The following AUTS2 variants were observed in gnomAD, a reference collection of about 807,000 sequenced individuals.
AUTS2 encodes activator of transcription and developmental regulator AUTS2.
AUTS2 carries 17 observed loss-of-function variants against 112.4 expected under a neutral mutation model. That is an observed-to-expected ratio of 0.15 (90% confidence interval 0.10 to 0.23). AUTS2 has a LOEUF of 0.23. Among genes scored for constraint, AUTS2 ranks in the 10% least tolerant of loss-of-function variants. The pLI is 1.00. For synonymous variants in AUTS2, 751 were observed against 702.7 expected, an observed-to-expected ratio of 1.07 and a Z score of -1.09; for missense variants, 1,510 against 1,701.6, an observed-to-expected ratio of 0.89 and a Z score of 1.98.
At chr7:69,893,564 T>C (rs1438035164) in intron 1 of AUTS2, among the ~76,000 whole-genome samples, 3 of 152,154 alleles carry the variant, frequency 2.0e-5, no homozygotes, top group Non-Finnish European at 2.9e-5. Context: ...GTCTCTAAGA[T>C]CAGATAACTA....
intron 5 of AUTS2, among the ~76,000 whole-genome samples, chr7:70,566,860 G>A (rs1000046136): frequency 7.9e-5 from 12 of 152,158 alleles, no homozygotes; most frequent in African/African-American, 1.2e-4. Context: ...TACGAATTTC[G>A]CAATAGCTGT....
At chr7:70,277,218 C>G (rs879768561) in intron 4 of AUTS2, among the ~76,000 whole-genome samples, 1 of 152,082 alleles carries the variant, frequency 6.6e-6, no homozygotes, top group Admixed American at 6.5e-5. Context: ...TTAATTGAAG[C>G]CTTTGGATGA....
At position 70,745,861 on chromosome 7, in the gene AUTS2, C is replaced by A. The variant is rs148300158; in HGVS notation, c.743-17009C>A. 4.6e-5 allele frequency among the ~76,000 whole-genome samples: 7 copies of A among 152,198 alleles called. No individual in the cohort carries two copies. In the East Asian group the frequency reaches 1.3e-3, roughly 29 times the overall value. ...CTATTATTTTATTGCAGTATGATGT[C>A]CAATTATGGAAACAACTCCAGAGAG... On this transcript the variant is annotated intron_variant, in intron 6 of 18. Coordinates refer to ENST00000342771, the MANE Select transcript of AUTS2 (RefSeq NM_015570.4).
intron 5 of AUTS2, among the ~76,000 whole-genome samples, chr7:70,470,185 TGCCCAATC>T (rs1797324868): frequency 1.3e-5 from 2 of 152,220 alleles, no homozygotes; most frequent in South Asian, 4.1e-4. Context: ...CTCCCTCCCC[TGCCCAATC>T]TCTGAAGTCT....
intron 4 of AUTS2, among the ~76,000 whole-genome samples, chr7:70,269,990 G>C (rs1225463499): frequency 6.6e-6 from 1 of 152,084 alleles, no homozygotes; most frequent in Non-Finnish European, 1.5e-5. Flanking sequence ...AGTGGGCTAT[G>C]ATAGCACCAC....
At chr7:70,649,429 G>C (rs1806362753) in intron 5 of AUTS2, among the ~76,000 whole-genome samples, 2 of 152,050 alleles carry the variant, frequency 1.3e-5, no homozygotes, top group South Asian at 2.1e-4. Context: ...AATAAACAAT[G>C]GTTAATAGAA....
intron 1 of AUTS2, among the ~76,000 whole-genome samples, chr7:69,851,885 G>A (rs998587931): frequency 6.6e-6 from 1 of 151,950 alleles, no homozygotes; most frequent in African/African-American, 2.4e-5. Context: ...AGATTTTTTG[G>A]GATTTTTGTA....
chr7:70,529,508 T>G (rs1022257704), intron 5 of AUTS2, among the ~76,000 whole-genome samples: 1 of 152,238 alleles, frequency 6.6e-6, no homozygotes, highest in African/African-American at 2.4e-5. Flanking sequence ...GCTCTTTCTA[T>G]GGCAAAGTGC....
intron 4 of AUTS2, among the ~76,000 whole-genome samples, chr7:70,238,383 A>G (rs563430843): frequency 4.5e-4 from 69 of 152,262 alleles, no homozygotes; most frequent in Non-Finnish European, 9.1e-4. Flanking sequence ...CAGGACCAAC[A>G]CTAATGCTGT....
intron 18 of AUTS2, 106 bp from the exon 19 acceptor site, chr7:70,789,642 C>A: frequency 7.4e-7 from 1 of 1,352,278 alleles, no homozygotes; most frequent in Non-Finnish European, 1.0e-6. Flanking sequence ...TGGGAAGCAG[C>A]CCCCAGCCTG....
rs1793616461 is a variant in AUTS2, at chr7:69,873,981, AC to A, written c.310-25304del. On this transcript the variant is annotated intron_variant, in intron 1 of 18. Transcript: ENST00000342771. ...TGAATGTAAATTATAACACAGAAGA[AC>A]AAGTGTTTTGTTAAGGATAATGGAA... is the stretch of plus-strand genomic sequence containing the variant. Among the ~76,000 whole-genome samples the A allele has an allele frequency of 2.0e-5, 3 of 152,230 alleles. No homozygotes were observed. The South Asian group carries it at 6.2e-4, about 32-fold the overall frequency.
intron 2 of AUTS2, among the ~76,000 whole-genome samples, chr7:70,057,693 AC>A (rs1802056478): frequency 6.6e-6 from 1 of 151,976 alleles, no homozygotes; most frequent in African/African-American, 2.4e-5. Context: ...GGGTCCCTAG[AC>A]CCTCTGTTGT....
chr7:70,160,719 C>A (rs932066642), intron 4 of AUTS2, among the ~76,000 whole-genome samples: 3 of 152,168 alleles, frequency 2.0e-5, no homozygotes, highest in Non-Finnish European at 4.4e-5. Flanking sequence ...TGTGAAAGGG[C>A]CTTCATCAAT....
At chr7:69,699,067 A>G (rs1238209134) in intron 1 of AUTS2, among the ~76,000 whole-genome samples, 1 of 152,206 alleles carries the variant, frequency 6.6e-6, no homozygotes, top group African/African-American at 2.4e-5. Context: ...TGTCATAGGA[A>G]GCAATAGAAA....
chr7:70,390,557 C>T (rs1372030687), intron 4 of AUTS2, among the ~76,000 whole-genome samples: 1 of 151,944 alleles, frequency 6.6e-6, no homozygotes, highest in Non-Finnish European at 1.5e-5. Flanking sequence ...AAAGAACACT[C>T]AGCACTCAGG....
intron 1 of AUTS2, among the ~76,000 whole-genome samples, chr7:69,846,272 C>T (rs1424225202): frequency 2.0e-5 from 3 of 152,164 alleles, no homozygotes; most frequent in Non-Finnish European, 4.4e-5. Context: ...TTAATGCAAG[C>T]CAAGACCACA....
intron 1 of AUTS2, among the ~76,000 whole-genome samples, chr7:69,723,727 G>A (rs894981534): frequency 3.9e-5 from 6 of 152,192 alleles, no homozygotes; most frequent in Non-Finnish European, 8.8e-5. Flanking sequence ...ACTAGTAGAA[G>A]TCAGAAAGTG....
chr7:69,974,900 T>C (rs1183933637), intron 2 of AUTS2, among the ~76,000 whole-genome samples: 1 of 152,156 alleles, frequency 6.6e-6, no homozygotes, highest in Admixed American at 6.5e-5. Context: ...AGCATAGAGT[T>C]GATTCATTTT....
chr7:70,303,439 T>TGCGCGC (rs1789332637), intron 4 of AUTS2, among the ~76,000 whole-genome samples: 8 of 143,296 alleles, frequency 5.6e-5, no homozygotes, highest in African/African-American at 2.0e-4. Context: ...CGCGCGCACA[T>TGCGCGC]ACACACACAC....
Sources: allele counts gnomAD v4.1 joint callset (sites outside exome capture counted in the v4.1 genomes callset), GRCh38; gene constraint gnomAD v4.1.1; transcripts MANE v1.5; gene names NCBI Gene and HGNC (gene_info 2026-07-23, HGNC 2026-07-21).